Variants in ZNF558 observed in about 807,000 individuals in gnomAD.
ZNF558 encodes zinc finger protein 558.
A neutral mutation model predicts 37.6 loss-of-function variants in ZNF558; 23 were observed. The ratio of observed to expected loss-of-function variants is 0.61; its 90% CI spans 0.44 to 0.87. The LOEUF is 0.87. ZNF558 is among the 40% of genes least tolerant of loss of function. The pLI is 0.00. For missense variants in ZNF558, 429 were observed against 483.7 expected (o/e 0.89, Z 1.06); for synonymous variants, 189 against 174.4 (o/e 1.08, Z -0.66).
rs1301526521 is a variant in ZNF558 at position 8,810,076 on chromosome 19, G to A, written c.*1205C>T. The A allele has an allele frequency of 6.6e-6, 1 of 152,208 alleles. No homozygotes were observed. Among genetic ancestry groups the A allele is most frequent in the East Asian group, 1.9e-4 (1 of 5,202 alleles). 9.4% of individuals were successfully genotyped at this position (152,208 alleles called of 1,614,324 possible). On this transcript the variant is annotated 3_prime_UTR_variant, in exon 10 of 10. Coordinates refer to ENST00000601372, the MANE Select transcript of ZNF558 (RefSeq NM_144693.3). ...TCCCTAACACAGAGGCATCACTGAA[G>A]GCTTTCTCTTCTTCTTTATATTTCA...
At chr19:8,821,524 A>C (rs2044090470) in intron 6 of ZNF558, 14 of 1,436,960 alleles carry the variant, frequency 9.7e-6, no homozygotes, top group African/African-American at 1.4e-5. Context: ...TTCTGAGCTC[A>C]GCCCTCAATG....
At chr19:8,820,942 G>T (rs999300551) in intron 7 of ZNF558, among the ~76,000 whole-genome samples, 1 of 152,160 alleles carries the variant, frequency 6.6e-6, no homozygotes, top group Non-Finnish European at 1.5e-5. Flanking sequence ...ACGGGTATTG[G>T]CTGCTTCATA....
intron 2 of ZNF558, 99 bp downstream of exon 2, chr19:8,831,219 C>T (rs1330224413): frequency 6.6e-6 from 1 of 152,112 alleles, no homozygotes; most frequent in Non-Finnish European, 1.5e-5. Context: ...TTAGTGACTT[C>T]AATGTGGTTA....
chr19:8,812,160 A>C (rs1276290431), intron 9 of ZNF558, 97 bp from the exon 10 acceptor site: 1 of 1,159,234 alleles, frequency 8.6e-7, no homozygotes, highest in African/African-American at 1.6e-5. Flanking sequence ...CTGTTACATT[A>C]TTATAATTGA....
rs767354729 is a variant in ZNF558 at position 8,822,125 on chromosome 19, G to C, written c.32-34C>G. ...GGAGAAATGAGTCCCATGGATTCAG[G>C]CTTGTCTGACACCCACAGATCTGCC... On this transcript the variant is annotated intron_variant, in intron 5 of 9. Coordinates refer to ENST00000601372, the MANE Select transcript of ZNF558 (RefSeq NM_144693.3). The surrounding 1 kb of genome is among the most constrained non-coding windows in gnomAD (Gnocchi z 4.4). The C allele has an allele frequency of 1.4e-5, 22 of 1,612,482 alleles. No individual in the cohort carries two copies. Among genetic ancestry groups the C allele is most frequent in the Non-Finnish European group, 1.9e-5 (22 of 1,179,068 alleles).
chr19:8,833,690 AG>A (rs2044415913), upstream of ZNF558: 1 of 152,246 alleles, frequency 6.6e-6, no homozygotes, highest in African/African-American at 2.4e-5. Flanking sequence ...TTGGTGCGTT[AG>A]ATACCACTAA....
At chr19:8,814,454 CAAAAGACTAACCG>C (rs1555769604) in intron 7 of ZNF558, among the ~76,000 whole-genome samples, 1 of 152,108 alleles carries the variant, frequency 6.6e-6, no homozygotes, top group African/African-American at 2.4e-5. Flanking sequence ...TAGAAGCAAA[CAAAAGACTAACCG>C]AAAAGCCTGA....
chr19:8,818,981 A>T (rs111907071), intron 7 of ZNF558, among the ~76,000 whole-genome samples: 2,824 of 152,340 alleles, frequency 0.019, 43 homozygotes, highest in Non-Finnish European at 0.028. Context: ...AAAAGAATGA[A>T]GTTGACCCTT....
intron 2 of ZNF558, among the ~76,000 whole-genome samples, chr19:8,825,520 A>G (rs957995185): frequency 2.6e-5 from 4 of 152,238 alleles, no homozygotes; most frequent in African/African-American, 9.6e-5. Flanking sequence ...TTTAAGTGAA[A>G]AAAAAATCAA....
intron 2 of ZNF558, among the ~76,000 whole-genome samples, chr19:8,828,939 G>A (rs963388209): frequency 2.0e-5 from 3 of 151,000 alleles, no homozygotes; most frequent in Non-Finnish European, 4.4e-5. Flanking sequence ...CTCCAGCCTG[G>A]GTGACCAAGT....
rs1332079664 is a variant in ZNF558 at position 8,822,713 on chromosome 19, T to C, written c.-54A>G. On this transcript the variant is annotated 5_prime_UTR_variant, in exon 5 of 10. Coordinates refer to ENST00000601372, the MANE Select transcript of ZNF558 (RefSeq NM_144693.3). The surrounding 1 kb of genome is among the most constrained non-coding windows in gnomAD (Gnocchi z 4.4). ...CGGGAAGCAGGACGCTCCTCCTTTA[T>C]CCCGCAGCGCTCTGGAAGAAACGGG... The C allele has an allele frequency of 6.8e-6, 11 of 1,613,526 alleles. No individual in the cohort carries two copies. Among genetic ancestry groups the C allele is most frequent in the Non-Finnish European group, 8.5e-6 (10 of 1,179,914 alleles).
chr19:8,821,244 G>A lies in ZNF558; in HGVS notation c.183C>T (p.Asp61=). 6.2e-7 allele frequency: 1 copy of A among 1,614,156 alleles called. No individual in the cohort carries two copies. The highest frequency in any genetic ancestry group is 8.5e-7 in the Non-Finnish European group (1 of 1,180,024). The change falls in exon 7 of 10, where the codon GAC becomes GAT. Residue 61 remains aspartate (D), a synonymous_variant. Coordinates refer to ENST00000601372, the MANE Select transcript of ZNF558 (RefSeq NM_144693.3). ...CCCTGTACAGTGTCCTTTGGGCAGGGTCCAGCAACGCCCACTCCTCCTGGG... is the reference window on the plus strand; with the variant it reads ...CCCTGTACAGTGTCCTTTGGGCAGGATCCAGCAACGCCCACTCCTCCTGGG... ...EFTQEEWALL[D]PAQRTLYRDV... is the part of the protein sequence containing the mutation.
intron 7 of ZNF558, among the ~76,000 whole-genome samples, chr19:8,819,829 T>A (rs1019997009): frequency 6.6e-6 from 1 of 152,078 alleles, no homozygotes. Context: ...TAATTCCAGC[T>A]ACTTGAGAGG....
chr19:8,834,428 T>G (rs924482862), upstream of ZNF558, among the ~76,000 whole-genome samples: 1 of 151,072 alleles, frequency 6.6e-6, no homozygotes, highest in Non-Finnish European at 1.5e-5. Context: ...GCTAACATGG[T>G]GAAACCCCGT....
intron 8 of ZNF558, 128 bp from the exon 9 acceptor site, chr19:8,812,771 G>A (rs1386987331): frequency 1.8e-6 from 1 of 564,430 alleles, no homozygotes; most frequent in East Asian, 3.0e-5. Context: ...ATTTGGTTAT[G>A]AAAATTTTAG....
At position 8,822,771 on chromosome 19, in the gene ZNF558, CG is replaced by C; in HGVS notation, c.-65-48del. On this transcript the variant is annotated intron_variant, in intron 4 of 9. Transcript: ENST00000601372. This position sits in a 1 kb window ranked among gnomAD's most constrained non-coding sequence, Gnocchi z 4.4. ...CAAGTCTCCGTGGCCTCCTCCCTCT[CG>C]GGCTGCTGGGGATGGGCCCTCCTCA... 5.1e-6 allele frequency: 8 copies of C among 1,563,252 alleles called. No individual in the cohort carries two copies. The highest frequency in any genetic ancestry group is 6.1e-6 in the Non-Finnish European group (7 of 1,142,780).
At position 8,808,408 on chromosome 19, in the gene ZNF558, G is replaced by GAA. The variant is rs58276626; in HGVS notation, c.*2871_*2872dup. On this transcript the variant is annotated 3_prime_UTR_variant, in exon 10 of 10. Coordinates refer to ENST00000601372, the MANE Select transcript of ZNF558 (RefSeq NM_144693.3). Reference sequence around the variant, plus strand: ...TCATCTCCACATAAAAAGGAATACAGAATACCTAATCCTGTATGCATCTAG... The same window carrying GAA: ...TCATCTCCACATAAAAAGGAATACAGAAAATACCTAATCCTGTATGCATCTAG... The GAA allele has an allele frequency of 8.6e-5, 13 of 151,902 alleles. No homozygotes were observed. Among genetic ancestry groups the GAA allele is most frequent in the African/African-American group, 2.9e-4 (12 of 41,380 alleles). 9.4% of individuals were successfully genotyped at this position (151,902 alleles called of 1,614,324 possible).
chr19:8,829,793 C>T (rs2044308936), intron 2 of ZNF558, among the ~76,000 whole-genome samples: 1 of 152,166 alleles, frequency 6.6e-6, no homozygotes, highest in African/African-American at 2.4e-5. Context: ...GATAAGTAAA[C>T]ATTCCTTCAA....
intron 7 of ZNF558, among the ~76,000 whole-genome samples, chr19:8,820,506 A>G (rs1165229285): frequency 6.6e-6 from 1 of 152,156 alleles, no homozygotes; most frequent in Non-Finnish European, 1.5e-5. Context: ...TTTTTGAGAC[A>G]CAGTTGTGCT....
Sources: allele counts gnomAD v4.1 joint callset (sites outside exome capture counted in the v4.1 genomes callset), GRCh38; gene constraint gnomAD v4.1.1; non-coding constraint Gnocchi (gnomAD v3.1); transcripts MANE v1.5; gene names NCBI Gene and HGNC (gene_info 2026-07-23, HGNC 2026-07-21).